Variants in CCDC93 observed in about 807,000 individuals in gnomAD.
CCDC93 encodes the protein CCC complex scaffolding subunit CCDC93, also known as coiled-coil domain-containing protein 93.
Under a neutral mutation model 108.2 loss-of-function variants are expected in CCDC93, and 61 were observed. The ratio of observed to expected loss-of-function variants is 0.56; its 90% CI spans 0.46 to 0.70. The LOEUF (loss-of-function observed/expected upper bound fraction) is 0.70. CCDC93 is among the 30% of genes least tolerant of loss of function. The pLI, the probability that CCDC93 is intolerant of heterozygous loss-of-function variation, is 0.00. For missense variants in CCDC93, 685 were observed against 764.2 expected (o/e 0.90, Z 1.22); for synonymous variants, 276 against 260.4 (o/e 1.06, Z -0.58).
intron 20 of CCDC93, among the ~76,000 whole-genome samples, chr2:117,938,325 A>C (rs1449898518): frequency 7.2e-5 from 11 of 152,196 alleles, no homozygotes; most frequent in East Asian, 3.9e-4. Flanking sequence ...TTTTAAATTA[A>C]GACATATCTG....
At chr2:118,012,052 G>A (rs1170350409) in intron 1 of CCDC93, among the ~76,000 whole-genome samples, 2 of 152,062 alleles carry the variant, frequency 1.3e-5, no homozygotes, top group Non-Finnish European at 2.9e-5. Flanking sequence ...TTCAATTTCC[G>A]TCCACTATAG....
At chr2:118,005,719 TC>T (rs1482761460) in intron 3 of CCDC93, among the ~76,000 whole-genome samples, 17 of 139,332 alleles carry the variant, frequency 1.2e-4, no homozygotes, top group African/African-American at 3.5e-4. Flanking sequence ...ACCACTGCAC[TC>T]CAGCATGGGT....
chr2:118,007,579 G>C (rs1558807604), intron 2 of CCDC93, among the ~76,000 whole-genome samples: 2 of 152,194 alleles, frequency 1.3e-5, no homozygotes, highest in Non-Finnish European at 2.9e-5. Flanking sequence ...TGAGGCAGGA[G>C]AATCACTTGC....
At position 117,922,881 on chromosome 2, in the gene CCDC93, C is replaced by A. The variant is rs193238031; in HGVS notation, c.1843-2485G>T. ...AGAGGCTGTGGAGTAGCAAGCAAGT[C>A]CCTATCGTCACCTCCTCCTCAACAC... is the stretch of plus-strand genomic sequence containing the variant. On this transcript the variant is annotated intron_variant, in intron 23 of 23. Transcript: ENST00000376300. Among the ~76,000 whole-genome samples, 99 of 152,148 alleles carry A rather than the reference C, an allele frequency of 6.5e-4. 1 individual carries two copies. Among genetic ancestry groups the A allele is most frequent in the Admixed American group, 6.2e-3 (94 of 15,284 alleles).
At chr2:117,962,695 A>G (rs72838009) in intron 11 of CCDC93, among the ~76,000 whole-genome samples, 8,585 of 152,304 alleles carry the variant, frequency 0.056, 298 homozygotes, top group Non-Finnish European at 0.082. Flanking sequence ...TTATTTAAAA[A>G]TGTTTTTAAA....
At chr2:117,936,762 G>C (rs376128206) in intron 20 of CCDC93, 23 bp from the exon 21 acceptor site, 5 of 1,604,354 alleles carry the variant, frequency 3.1e-6, no homozygotes, top group South Asian at 1.1e-5. Flanking sequence ...AAAAACAAAC[G>C]AAATTATAAG....
At chr2:117,987,800 A>G (rs1680363807) in intron 6 of CCDC93, among the ~76,000 whole-genome samples, 1 of 152,194 alleles carries the variant, frequency 6.6e-6, no homozygotes, top group East Asian at 1.9e-4. Flanking sequence ...TATAAAATCA[A>G]TTTATCCTTC....
At chr2:117,994,371 G>A (rs1381304050) in intron 6 of CCDC93, among the ~76,000 whole-genome samples, 1 of 152,062 alleles carries the variant, frequency 6.6e-6, no homozygotes, top group African/African-American at 2.4e-5. Flanking sequence ...ACAGTATCTG[G>A]CTTTTGAGTG....
intron 22 of CCDC93, chr2:117,934,007 T>C (rs1367152775): frequency 6.6e-6 from 1 of 152,122 alleles, no homozygotes. Context: ...CAGCAGCGCC[T>C]TTCCACACTG....
chr2:117,943,961 G>C, intron 18 of CCDC93, 63 bp downstream of exon 18: 3 of 1,129,906 alleles, frequency 2.7e-6, no homozygotes, highest in Non-Finnish European at 3.8e-6. Context: ...TTCTAGTTAT[G>C]TCATAGGACA....
At chr2:117,974,709 A>G in intron 10 of CCDC93, 141 bp downstream of exon 10, 1 of 653,290 alleles carries the variant, frequency 1.5e-6, no homozygotes, top group Middle Eastern at 4.3e-4. Context: ...ACAGATTAAC[A>G]AAAGGAACTC....
intron 10 of CCDC93, among the ~76,000 whole-genome samples, chr2:117,974,641 G>C (rs1356920259): frequency 6.6e-6 from 1 of 152,168 alleles, no homozygotes; most frequent in African/African-American, 2.4e-5. Flanking sequence ...GCTTTCACAA[G>C]GGTCCTTCAA....
At chr2:117,968,499 G>A (rs1211314693) in intron 11 of CCDC93, among the ~76,000 whole-genome samples, 2 of 152,302 alleles carry the variant, frequency 1.3e-5, no homozygotes, top group East Asian at 3.9e-4. Context: ...GGACACTCAT[G>A]AATTATGTAT....
rs1288732412 is a variant in CCDC93, at chr2:117,986,062, T to C, written c.527A>G (p.Tyr176Cys). 6.2e-7 allele frequency: 1 copy of C among 1,608,720 alleles called. No homozygotes were observed. Among genetic ancestry groups the C allele is most frequent in the South Asian group, 1.1e-5 (1 of 90,952 alleles). Reference sequence around the variant, plus strand: ...GCGTTTGTATTTCCGACGGGGCTTGTACACTTCCTAAGTGGATGAGACAGC... The same window carrying C: ...GCGTTTGTATTTCCGACGGGGCTTGCACACTTCCTAAGTGGATGAGACAGC... Reference protein sequence around the residue: ...IKTVVDLSEVYKPRRKYKRHQ... With the variant: ...IKTVVDLSEVCKPRRKYKRHQ... The change falls in exon 7 of 24, where the codon TAC becomes TGC. Residue 176 changes from tyrosine (Y) to cysteine (C), a missense_variant. Physicochemically the swap from Tyr to Cys is radical, Grantham distance 194 (BLOSUM62 -2). Transcript: ENST00000376300.
intron 12 of CCDC93, among the ~76,000 whole-genome samples, chr2:117,952,816 A>G (rs139219245): frequency 2.3e-4 from 35 of 152,336 alleles, no homozygotes; most frequent in African/African-American, 8.4e-4. Flanking sequence ...CAGTGGGGCT[A>G]CAATCAATGC....
At chr2:117,946,383 GT>G (rs954148497) in intron 16 of CCDC93, among the ~76,000 whole-genome samples, 87 of 152,226 alleles carry the variant, frequency 5.7e-4, no homozygotes, top group African/African-American at 2.1e-3. Context: ...GGGTTCTTCT[GT>G]TAAATCCAAC....
intron 3 of CCDC93, among the ~76,000 whole-genome samples, chr2:118,002,096 G>A (rs1294359771): frequency 6.6e-6 from 1 of 152,176 alleles, no homozygotes; most frequent in Non-Finnish European, 1.5e-5. Flanking sequence ...AGTCACAGCA[G>A]CTACTGTGGC....
At chr2:117,980,539 T>C (rs1395755938) in intron 7 of CCDC93, among the ~76,000 whole-genome samples, 2 of 152,176 alleles carry the variant, frequency 1.3e-5, no homozygotes, top group African/African-American at 2.4e-5. Flanking sequence ...AAGACTCTTT[T>C]AGTAAGCCCT....
chr2:117,925,266 TAAC>T (rs1678037879), intron 23 of CCDC93, among the ~76,000 whole-genome samples: 1 of 152,100 alleles, frequency 6.6e-6, no homozygotes, highest in Admixed American at 6.6e-5. Context: ...AATTCACACA[TAAC>T]AATATTAACC....
Sources: gnomAD v4.1 joint callset for allele counts (sites outside exome capture counted in the v4.1 genomes callset) on GRCh38, gnomAD v4.1.1 for gene constraint, MANE v1.5 for transcripts, NCBI Gene and HGNC (gene_info 2026-07-23, HGNC 2026-07-21) for gene names.